MROH9: variants seen among roughly 807,000 people sequenced by gnomAD.
MROH9 encodes the protein maestro heat like repeat family member 9, also known as maestro heat-like repeat-containing protein family member 9.
Under a neutral mutation model 98.2 loss-of-function variants are expected in MROH9, and 92 were observed. That is an observed-to-expected ratio of 0.94 (90% CI 0.79 to 1.11). The LOEUF (loss-of-function observed/expected upper bound fraction) is 1.11. Ranked by LOEUF, MROH9 falls within the 50% of genes most tolerant of loss-of-function variation. The pLI, the probability that MROH9 is intolerant of heterozygous loss-of-function variation, is 0.00. For missense variants in MROH9, 1,057 were observed against 1,014.8 expected, an observed-to-expected ratio of 1.04 and a Z score of -0.57; for synonymous variants, 397 against 368.9, an observed-to-expected ratio of 1.08 and a Z score of -0.87.
intron 15 of MROH9, among the ~76,000 whole-genome samples, chr1:171,001,264 G>A (rs1403841549): frequency 6.6e-6 from 1 of 151,746 alleles, no homozygotes; most frequent in East Asian, 1.9e-4. Flanking sequence ...TGTGATCTTG[G>A]TTATTTTCTT....
chr1:171,005,863 C>T (rs1003513747), intron 15 of MROH9, among the ~76,000 whole-genome samples: 2 of 152,044 alleles, frequency 1.3e-5, no homozygotes, highest in Non-Finnish European at 1.5e-5. Context: ...TGATGTCACC[C>T]TTTACATATT....
chr1:170,992,217 A>G lies in MROH9; in HGVS notation c.1082A>G (p.His361Arg), dbSNP rs1651382885. 6.2e-7 allele frequency: 1 copy of G among 1,613,334 alleles called. No homozygotes were observed. The highest frequency in any genetic ancestry group is 1.7e-5 in the Admixed American group (1 of 59,886). The stretch of plus-strand genomic sequence containing the variant: ...TGTTCTCAGGCGAGCGTGGCCCCTC[A>G]CGTGCTGAAGACAATCTTATTGATA... ...AACSQASVAPHVLKTILLILK... is the reference protein window; with the variant it reads ...AACSQASVAPRVLKTILLILK... Residue 361 changes from histidine (H) to arginine (R), a missense_variant, in exon 12 of 22, where the codon CAC (histidine) becomes CGC (arginine). Coordinates refer to ENST00000367759, the MANE Select transcript of MROH9 (RefSeq NM_001163629.2).
At chr1:171,036,483 C>T (rs1334707129) in intron 20 of MROH9, among the ~76,000 whole-genome samples, 1 of 152,130 alleles carries the variant, frequency 6.6e-6, no homozygotes, top group East Asian at 1.9e-4. Flanking sequence ...AATAATTTGA[C>T]ATCATCTTAT....
chr1:171,003,327 A>G (rs78851718), intron 15 of MROH9, among the ~76,000 whole-genome samples: 1 of 152,224 alleles, frequency 6.6e-6, no homozygotes, highest in East Asian at 1.9e-4. Flanking sequence ...TTGTTTTGTC[A>G]TATTACCAGG....
chr1:170,957,787 A>ATTTTTTTTTTTTTTT (rs1372647484), intron 3 of MROH9, among the ~76,000 whole-genome samples: 2 of 128,002 alleles, frequency 1.6e-5, no homozygotes, highest in Non-Finnish European at 3.3e-5. Flanking sequence ...CCCTGCTGGC[A>ATTTTTTTTTTTTTTT]TTTTTTTGTT....
intron 20 of MROH9, among the ~76,000 whole-genome samples, chr1:171,048,054 T>A (rs1653522153): frequency 6.6e-6 from 1 of 152,072 alleles, no homozygotes; most frequent in African/African-American, 2.4e-5. Context: ...GGGGATAGAG[T>A]TACATGAGCA....
intron 14 of MROH9, among the ~76,000 whole-genome samples, chr1:170,997,818 G>A (rs368416390): frequency 2.5e-4 from 38 of 152,266 alleles, no homozygotes; most frequent in African/African-American, 8.7e-4. Flanking sequence ...CCTGTATGCA[G>A]CCATCTTGGA....
chr1:171,017,305 G>A (rs140084310), intron 17 of MROH9, among the ~76,000 whole-genome samples: 1 of 152,360 alleles, frequency 6.6e-6, no homozygotes, highest in Non-Finnish European at 1.5e-5. Context: ...GAGGAAGGCA[G>A]AGCAGTGTGG....
At chr1:170,953,753 A>AAAAGG (rs1401088924) in intron 3 of MROH9, among the ~76,000 whole-genome samples, 4 of 150,156 alleles carry the variant, frequency 2.7e-5, no homozygotes, top group Non-Finnish European at 4.5e-5. Flanking sequence ...AAAAGAAAAG[A>AAAAGG]AAAGAAAGAG....
intron 20 of MROH9, among the ~76,000 whole-genome samples, chr1:171,039,731 T>C (rs1470787682): frequency 1.3e-5 from 2 of 152,132 alleles, no homozygotes; most frequent in Non-Finnish European, 2.9e-5. Context: ...GAAATTTTCA[T>C]TCATTTATCT....
intron 20 of MROH9, among the ~76,000 whole-genome samples, chr1:171,045,102 C>T (rs1315241601): frequency 6.8e-6 from 1 of 147,702 alleles, no homozygotes; most frequent in Non-Finnish European, 1.5e-5. Context: ...CCTGGATTCA[C>T]GCCATTCTCC....
chr1:171,057,990 T>C (rs149016765), intron 20 of MROH9, among the ~76,000 whole-genome samples: 1 of 152,086 alleles, frequency 6.6e-6, no homozygotes, highest in East Asian at 1.9e-4. Context: ...CCAAAATATA[T>C]TCTTTCAGGC....
At chr1:170,987,011 C>T (rs1007700125) in intron 10 of MROH9, among the ~76,000 whole-genome samples, 9 of 151,506 alleles carry the variant, frequency 5.9e-5, no homozygotes, top group East Asian at 1.9e-4. Context: ...CCACCACACC[C>T]GGCTAATTTT....
chr1:171,010,715 TG>T (rs1281934663), intron 15 of MROH9, among the ~76,000 whole-genome samples: 1 of 152,260 alleles, frequency 6.6e-6, no homozygotes, highest in East Asian at 1.9e-4. Context: ...ATATGTCTGT[TG>T]GCTGCATAAA....
intron 15 of MROH9, among the ~76,000 whole-genome samples, chr1:171,010,204 C>A (rs902763129): frequency 6.6e-6 from 1 of 152,068 alleles, no homozygotes; most frequent in Non-Finnish European, 1.5e-5. Context: ...GTTTGTTTTT[C>A]TGTTCTTGTG....
chr1:170,982,359 T>A (rs942155205), intron 8 of MROH9, among the ~76,000 whole-genome samples: 1 of 152,100 alleles, frequency 6.6e-6, no homozygotes, highest in Admixed American at 6.6e-5. Flanking sequence ...AAAGAGTATA[T>A]ATGGTATGAT....
intron 20 of MROH9, among the ~76,000 whole-genome samples, chr1:171,028,536 C>G (rs1435919840): frequency 6.6e-6 from 1 of 151,900 alleles, no homozygotes; most frequent in Non-Finnish European, 1.5e-5. Context: ...ATGTGAAATC[C>G]AAAATAGTTT....
At chr1:170,954,098 GT>G (rs1557871701) in intron 3 of MROH9, among the ~76,000 whole-genome samples, 16 of 151,920 alleles carry the variant, frequency 1.1e-4, no homozygotes, top group African/African-American at 2.9e-4. Flanking sequence ...TTCTGTAGAA[GT>G]CTTTATCTTT....
intron 13 of MROH9, 142 bp downstream of exon 13, chr1:170,995,673 G>GCATTCTACCATTCA: frequency 1.0e-6 from 1 of 981,434 alleles, no homozygotes; most frequent in Non-Finnish European, 1.5e-6. Context: ...TCCTCTGAAT[G>GCATTCTACCATTCA]GTAGAATGCC....
Sources: allele counts gnomAD v4.1 joint callset (sites outside exome capture counted in the v4.1 genomes callset), GRCh38; gene constraint gnomAD v4.1.1; transcripts MANE v1.5; gene names NCBI Gene and HGNC (gene_info 2026-07-23, HGNC 2026-07-21).